PCDH9: variants seen among roughly 807,000 people sequenced by gnomAD.
PCDH9 encodes protocadherin-9.
In PCDH9, 24 loss-of-function variants were observed where a neutral mutation model predicts 70.6. The observed-to-expected ratio is 0.34, with a 90% CI of 0.25 to 0.48. PCDH9 has a LOEUF of 0.48. Among genes scored for constraint, PCDH9 ranks in the 20% least tolerant of loss-of-function variants. The pLI is 0.99. For synonymous variants in PCDH9, 562 were observed against 558.5 expected, an observed-to-expected ratio of 1.01 and a Z score of -0.09; for missense variants, 1,281 against 1,503.6, an observed-to-expected ratio of 0.85 and a Z score of 2.45.
Position 66,775,561 on chromosome 13 carries a change from A to G in PCDH9, c.3138+127943T>C, listed in dbSNP as rs193147130. 1.5e-3 allele frequency among the ~76,000 whole-genome samples: 224 copies of G among 152,242 alleles called. 1 individual carries two copies. The highest frequency in any genetic ancestry group is 0.01 in the Middle Eastern group (3 of 294). Reference sequence around the variant, plus strand: ...CTTTCTTCTCCTCCTCAGCCTACTCAATGTGAAGATGATGAGGATGATGAA... The same window carrying G: ...CTTTCTTCTCCTCCTCAGCCTACTCGATGTGAAGATGATGAGGATGATGAA... On this transcript the variant is annotated intron_variant, in intron 3 of 4. Coordinates refer to ENST00000377865, the MANE Select transcript of PCDH9 (RefSeq NM_203487.3).
At chr13:66,561,723 G>C (rs7998584) in intron 4 of PCDH9, among the ~76,000 whole-genome samples, 3 of 151,648 alleles carry the variant, frequency 2.0e-5, no homozygotes, top group South Asian at 4.2e-4. Flanking sequence ...ATGGAGAACC[G>C]TTGTGTCTAG....
At chr13:66,481,730 C>T (rs1023158604) in intron 4 of PCDH9, among the ~76,000 whole-genome samples, 1 of 152,034 alleles carries the variant, frequency 6.6e-6, no homozygotes, top group African/African-American at 2.4e-5. Context: ...TGAATTTATT[C>T]AAAGTTAGTT....
At chr13:66,450,941 C>T (rs1303289281) in intron 4 of PCDH9, among the ~76,000 whole-genome samples, 1 of 152,034 alleles carries the variant, frequency 6.6e-6, no homozygotes, top group African/African-American at 2.4e-5. Context: ...GGCGTGAACC[C>T]AGGAGGCAGA....
chr13:66,653,105 C>A (rs1259951982), intron 3 of PCDH9, among the ~76,000 whole-genome samples: 3 of 151,968 alleles, frequency 2.0e-5, no homozygotes, highest in Admixed American at 2.0e-4. Flanking sequence ...TTAATAATAC[C>A]CTACAAGCAC....
intron 4 of PCDH9, among the ~76,000 whole-genome samples, chr13:66,625,660 A>AT (rs1175355150): frequency 5.0e-5 from 4 of 79,370 alleles, no homozygotes; most frequent in East Asian, 8.1e-4. Context: ...CATATAGTGG[A>AT]ATTTTTTTTT....
chr13:66,949,513 A>G (rs1318380329), intron 2 of PCDH9, among the ~76,000 whole-genome samples: 7 of 152,048 alleles, frequency 4.6e-5, no homozygotes, highest in Non-Finnish European at 8.8e-5. Context: ...TGGAGTAGGC[A>G]GCTTATGGGA....
intron 3 of PCDH9, among the ~76,000 whole-genome samples, chr13:66,748,788 A>G (rs143171833): frequency 1.6e-3 from 238 of 152,288 alleles, no homozygotes; most frequent in South Asian, 6.2e-3. Context: ...TATATACTTG[A>G]CTTTTAAGAG....
At chr13:67,042,927 A>G (rs1181998445) in intron 2 of PCDH9, among the ~76,000 whole-genome samples, 2 of 149,556 alleles carry the variant, frequency 1.3e-5, no homozygotes, top group African/African-American at 2.5e-5. Context: ...TTGGAGGATT[A>G]AAAAAAAAAG....
At chr13:66,887,394 CT>C (rs1320700116) in intron 3 of PCDH9, among the ~76,000 whole-genome samples, 3 of 151,982 alleles carry the variant, frequency 2.0e-5, no homozygotes, top group Non-Finnish European at 4.4e-5. Context: ...AAAAAAAATG[CT>C]ACGTTCTATT....
chr13:66,807,444 G>T (rs915864782), intron 3 of PCDH9, among the ~76,000 whole-genome samples: 1 of 152,020 alleles, frequency 6.6e-6, no homozygotes, highest in East Asian at 1.9e-4. Flanking sequence ...AATATTATGG[G>T]GTGTTATATA....
At chr13:66,690,209 G>C (rs1422609402) in intron 3 of PCDH9, among the ~76,000 whole-genome samples, 3 of 152,128 alleles carry the variant, frequency 2.0e-5, no homozygotes, top group African/African-American at 7.2e-5. Context: ...TTTTGATGGA[G>C]TAATGCAGTT....
At chr13:66,668,464 C>A (rs2139032798) in intron 3 of PCDH9, among the ~76,000 whole-genome samples, 1 of 152,214 alleles carries the variant, frequency 6.6e-6, no homozygotes, top group South Asian at 2.1e-4. Flanking sequence ...CTGAAGGAAC[C>A]TGAATCCTGA....
At chr13:66,324,621 A>G (rs1955811000) in intron 4 of PCDH9, among the ~76,000 whole-genome samples, 1 of 152,080 alleles carries the variant, frequency 6.6e-6, no homozygotes, top group Non-Finnish European at 1.5e-5. Context: ...AAATGCAGCC[A>G]TTGGCCATTC....
chr13:66,677,567 T>C (rs549758000), intron 3 of PCDH9, among the ~76,000 whole-genome samples: 175 of 152,000 alleles, frequency 1.2e-3, no homozygotes, highest in Non-Finnish European at 2.0e-3. Flanking sequence ...TGATAGTGAG[T>C]TCTTGCAAAA....
chr13:66,672,400 T>C (rs2078187810), intron 3 of PCDH9, among the ~76,000 whole-genome samples: 1 of 152,032 alleles, frequency 6.6e-6, no homozygotes, highest in African/African-American at 2.4e-5. Flanking sequence ...AGAGGATGTA[T>C]GGAAATGCCT....
At chr13:66,446,615 G>A (rs529015182) in intron 4 of PCDH9, among the ~76,000 whole-genome samples, 12 of 152,184 alleles carry the variant, frequency 7.9e-5, no homozygotes, top group African/African-American at 2.9e-4. Flanking sequence ...GAGTTAAGGT[G>A]AGGCAGGTGA....
chr13:66,968,778 T>C (rs1359740355), intron 2 of PCDH9, among the ~76,000 whole-genome samples: 1 of 152,012 alleles, frequency 6.6e-6, no homozygotes, highest in African/African-American at 2.4e-5. Context: ...TATTACCAAA[T>C]TTGATTATTT....
intron 4 of PCDH9, among the ~76,000 whole-genome samples, chr13:66,425,872 T>C (rs1288621108): frequency 6.6e-6 from 1 of 151,746 alleles, no homozygotes; most frequent in East Asian, 1.9e-4. Flanking sequence ...GTAAGTGTGC[T>C]ATCTGCTGAA....
chr13:66,455,296 T>A (rs907821828), intron 4 of PCDH9, among the ~76,000 whole-genome samples: 1 of 151,468 alleles, frequency 6.6e-6, no homozygotes, highest in Non-Finnish European at 1.5e-5. Flanking sequence ...TATAAAAAAG[T>A]TATAAAAAAG....
Sources: allele counts gnomAD v4.1 joint callset (sites outside exome capture counted in the v4.1 genomes callset), GRCh38; gene constraint gnomAD v4.1.1; transcripts MANE v1.5; gene names NCBI Gene and HGNC (gene_info 2026-07-23, HGNC 2026-07-21).